NTRK3: variants seen among roughly 807,000 people sequenced by gnomAD.
NTRK3 encodes neurotrophic receptor tyrosine kinase 3, also known as NT-3 growth factor receptor.
A neutral mutation model predicts 91.7 loss-of-function variants in NTRK3; 24 were observed. The ratio of observed to expected loss-of-function variants is 0.26; its 90% CI spans 0.19 to 0.37. The LOEUF is 0.37. Ranked by LOEUF, NTRK3 falls within the 10% of genes least tolerant of loss-of-function variation. The pLI is 1.00. For synonymous variants in NTRK3, 483 were observed against 404.0 expected (o/e 1.20, Z -2.34); for missense variants, 880 against 1,068.9 (o/e 0.82, Z 2.46).
intron 3 of NTRK3, among the ~76,000 whole-genome samples, chr15:88,227,177 C>T (rs903805565): frequency 9.9e-5 from 15 of 152,158 alleles, no homozygotes; most frequent in South Asian, 2.1e-4. Context: ...TCCTCCCCGT[C>T]GGGTCTCTCC....
intron 18 of NTRK3, among the ~76,000 whole-genome samples, chr15:87,878,430 G>A (rs550894139): frequency 4.4e-4 from 67 of 152,234 alleles, no homozygotes; most frequent in African/African-American, 1.5e-3. Flanking sequence ...TGGAGTTTAC[G>A]ATGGCCCCTT....
chr15:88,207,266 C>T (rs898679509), intron 3 of NTRK3, among the ~76,000 whole-genome samples: 1 of 152,140 alleles, frequency 6.6e-6, no homozygotes, highest in Non-Finnish European at 1.5e-5. Context: ...GATGGCACTG[C>T]GGGGATAGTT....
At chr15:87,990,530 A>G (rs1000498753) in intron 14 of NTRK3, among the ~76,000 whole-genome samples, 4 of 152,288 alleles carry the variant, frequency 2.6e-5, no homozygotes, top group Middle Eastern at 3.4e-3. Context: ...TCATTGTTAC[A>G]TATTTGGAGC....
chr15:88,113,103 C>T (rs1459178004), intron 13 of NTRK3, among the ~76,000 whole-genome samples: 1 of 152,154 alleles, frequency 6.6e-6, no homozygotes, highest in South Asian at 2.1e-4. Context: ...CCAGTCATTA[C>T]TGATCATGTA....
chr15:88,062,071 A>C (rs2046271296), intron 13 of NTRK3, among the ~76,000 whole-genome samples: 1 of 152,368 alleles, frequency 6.6e-6, no homozygotes, highest in Admixed American at 6.5e-5. Flanking sequence ...TAGCGCTTAC[A>C]TTGTATTAAG....
At chr15:87,966,280 T>A (rs1218891934) in intron 14 of NTRK3, among the ~76,000 whole-genome samples, 2 of 152,306 alleles carry the variant, frequency 1.3e-5, no homozygotes, top group East Asian at 3.9e-4. Flanking sequence ...AATTTGGAAG[T>A]TATAAATCAA....
At chr15:87,996,119 C>CA (rs1486816615) in intron 14 of NTRK3, among the ~76,000 whole-genome samples, 8 of 152,098 alleles carry the variant, frequency 5.3e-5, no homozygotes, top group African/African-American at 1.9e-4. Flanking sequence ...TGGCACGCAC[C>CA]TGTAATCCCA....
At chr15:88,000,293 C>CT (rs1279566534) in intron 14 of NTRK3, among the ~76,000 whole-genome samples, 4 of 152,202 alleles carry the variant, frequency 2.6e-5, no homozygotes, top group Non-Finnish European at 5.9e-5. Context: ...CCCCAGCCCC[C>CT]TCCTCTGAGA....
chr15:88,200,464 C>T (rs1322600792), intron 3 of NTRK3, among the ~76,000 whole-genome samples: 3 of 152,154 alleles, frequency 2.0e-5, no homozygotes, highest in African/African-American at 7.2e-5. Context: ...TTGTAGTTCC[C>T]ATAATCCCCA....
At chr15:88,214,700 A>C (rs2049587757) in intron 3 of NTRK3, among the ~76,000 whole-genome samples, 1 of 149,686 alleles carries the variant, frequency 6.7e-6, no homozygotes, top group South Asian at 2.1e-4. Context: ...GACAAAAAAA[A>C]TGTGCCCCCA....
At chr15:88,209,639 G>A (rs144122200) in intron 3 of NTRK3, among the ~76,000 whole-genome samples, 31 of 152,348 alleles carry the variant, frequency 2.0e-4, no homozygotes, top group East Asian at 5.8e-4. Context: ...GGTCAGAGCC[G>A]TCTGGCAGGA....
chr15:88,175,996 A>G (rs2045954438), intron 5 of NTRK3, among the ~76,000 whole-genome samples: 1 of 152,188 alleles, frequency 6.6e-6, no homozygotes, highest in Non-Finnish European at 1.5e-5. Context: ...AAGAAATCTC[A>G]AAGAGGCGAC....
chr15:88,144,643 G>C (rs2042714567), intron 6 of NTRK3, among the ~76,000 whole-genome samples: 1 of 152,082 alleles, frequency 6.6e-6, no homozygotes, highest in South Asian at 2.1e-4. Context: ...CCACTTACTA[G>C]CCATGTGATC....
At chr15:88,080,914 CA>C (rs993452347) in intron 13 of NTRK3, among the ~76,000 whole-genome samples, 107 of 151,732 alleles carry the variant, frequency 7.1e-4, no homozygotes, top group Non-Finnish European at 3.1e-4. Context: ...CAGTCAAGGC[CA>C]AAAAAAATGA....
exon 19 of NTRK3, chr15:87,875,783 G>T: frequency 4.3e-6 from 1 of 232,782 alleles, no homozygotes; most frequent in Non-Finnish European, 8.5e-6. Context: ...CCCTTCCTTG[G>T]CAGTGGGGTT....
exon 10 of NTRK3, chr15:88,135,126 G>A (rs1567493982): frequency 6.2e-7 from 1 of 1,614,262 alleles, no homozygotes. Context: ...TGAGGAAGTG[G>A]CCATTGATGG....
chr15:88,020,295 CA>C (rs2077513255), intron 14 of NTRK3, among the ~76,000 whole-genome samples: 1 of 152,100 alleles, frequency 6.6e-6, no homozygotes, highest in South Asian at 2.1e-4. Flanking sequence ...CTCATTAACC[CA>C]AAAGGAAATT....
intron 14 of NTRK3, among the ~76,000 whole-genome samples, chr15:88,022,496 C>A (rs2077672835): frequency 6.6e-6 from 1 of 152,198 alleles, no homozygotes; most frequent in African/African-American, 2.4e-5. Context: ...TTACTTATCT[C>A]TGGGAAATCT....
intron 3 of NTRK3, among the ~76,000 whole-genome samples, chr15:88,201,745 G>C (rs2048322211): frequency 6.6e-6 from 1 of 152,100 alleles, no homozygotes; most frequent in Admixed American, 6.5e-5. Context: ...GAATACTTCA[G>C]AACACAGGGC....
Sources: gnomAD v4.1 joint callset for allele counts (sites outside exome capture counted in the v4.1 genomes callset) on GRCh38, gnomAD v4.1.1 for gene constraint, MANE v1.5 for transcripts, NCBI Gene and HGNC (gene_info 2026-07-23, HGNC 2026-07-21) for gene names.